FLRT1: variants seen among roughly 807,000 people sequenced by gnomAD.
FLRT1 encodes leucine-rich repeat transmembrane protein FLRT1.
A neutral mutation model predicts 30.9 loss-of-function variants in FLRT1; 14 were observed. That is an observed-to-expected ratio of 0.45 (90% CI 0.30 to 0.71). FLRT1 has a LOEUF of 0.71. Ranked by LOEUF, FLRT1 falls within the 30% of genes least tolerant of loss-of-function variation. FLRT1 has a pLI of 0.08. For synonymous variants in FLRT1, 368 were observed against 430.4 expected (o/e 0.85, Z 1.80); for missense variants, 737 against 949.2 (o/e 0.78, Z 2.94).
At chr11:64,051,489 T>A (rs1402994295) in intron 1 of FLRT1, among the ~76,000 whole-genome samples, 1 of 152,148 alleles carries the variant, frequency 6.6e-6, no homozygotes, top group Non-Finnish European at 1.5e-5. Context: ...GGGGGCACCC[T>A]CTCGGAAGCC....
intron 1 of FLRT1, among the ~76,000 whole-genome samples, chr11:64,069,659 C>T (rs1944069729): frequency 6.6e-6 from 1 of 152,088 alleles, no homozygotes; most frequent in Non-Finnish European, 1.5e-5. Context: ...GGGGAGGCAG[C>T]CCCTCCATGG....
chr11:64,096,778 T>C lies in FLRT1; in HGVS notation c.-1037-6416T>C, dbSNP rs542617302. ...GGGCAGGCTCTGGCCGCAGTGCCCC[T>C]CCCTGAGGGGAAGAGGGCAGGCCTG... On this transcript the variant is annotated intron_variant, in intron 1 of 2. Coordinates refer to ENST00000682287, the MANE Select transcript of FLRT1 (RefSeq NM_013280.5). The surrounding 1 kb of genome is among the most constrained non-coding windows in gnomAD (Gnocchi z 4.6). 6.6e-6 allele frequency among the ~76,000 whole-genome samples: 1 copy of C among 152,194 alleles called. No homozygotes were observed. The highest frequency in any genetic ancestry group is 6.5e-5 in the Admixed American group (1 of 15,302).
Position 64,118,499 on chromosome 11 carries a change from G to A in FLRT1, c.*207G>A, listed in dbSNP as rs1023239539. 4.2e-5 allele frequency: 21 copies of A among 503,032 alleles called. No individual in the cohort carries two copies. The highest frequency in any genetic ancestry group is 2.9e-4 in the African/African-American group (15 of 52,028). 31.2% of individuals were successfully genotyped at this position (503,032 alleles called of 1,614,324 possible). A position where few individuals can be genotyped will look rare whatever the true frequency, so the allele number is the denominator to read the frequency against. ...TTTTAAAAGAATAGAAGGCAGGAGG[G>A]GGAATTCGACATTGTTGAAGACATA... On this transcript the variant is annotated 3_prime_UTR_variant, in exon 3 of 3. Coordinates refer to ENST00000682287, the MANE Select transcript of FLRT1 (RefSeq NM_013280.5).
chr11:64,038,835 G>T (rs1943431456), intron 1 of FLRT1, among the ~76,000 whole-genome samples: 1 of 152,210 alleles, frequency 6.6e-6, no homozygotes, highest in Non-Finnish European at 1.5e-5. Context: ...TCGGTTCCTG[G>T]GGAGGGTTTC....
At chr11:64,060,854 G>T (rs1404612176) in intron 1 of FLRT1, among the ~76,000 whole-genome samples, 1 of 152,166 alleles carries the variant, frequency 6.6e-6, no homozygotes, top group African/African-American at 2.4e-5. Flanking sequence ...GGGTGTGAAC[G>T]GGGCCAAAGC....
At chr11:64,084,406 T>C (rs556695282) in intron 1 of FLRT1, among the ~76,000 whole-genome samples, 123 of 152,222 alleles carry the variant, frequency 8.1e-4, no homozygotes, top group African/African-American at 2.9e-3. Context: ...CTGAGCTGCC[T>C]ACCTTTCCCG....
chr11:64,116,331 G>C lies in FLRT1; in HGVS notation c.64G>C (p.Val22Leu). 6.2e-7 allele frequency: 1 copy of C among 1,610,868 alleles called. No homozygotes were observed. Among genetic ancestry groups the C allele is most frequent in the Non-Finnish European group, 8.5e-7 (1 of 1,179,102 alleles). Residue 22 changes from valine to leucine, a missense_variant, in exon 3 of 3, where the codon GTT (valine) becomes CTT (leucine). By Grantham distance (32) the Val-to-Leu change is conservative. Coordinates refer to ENST00000682287, the MANE Select transcript of FLRT1 (RefSeq NM_013280.5). ...GCCCACTGCCACTGTCACGGCCACC[G>C]TTGTGATGACCACGGCCACCATGGA... The part of the protein sequence containing the change: ...TTPTATVTAT[V>L]VMTTATMDLR...
At chr11:64,063,094 G>A (rs1943935040) in intron 1 of FLRT1, among the ~76,000 whole-genome samples, 2 of 152,176 alleles carry the variant, frequency 1.3e-5, no homozygotes, top group Admixed American at 6.5e-5. Context: ...CCATATGAGT[G>A]GAAACTTCAG....
chr11:64,070,361 T>C (rs1286694594), intron 1 of FLRT1, among the ~76,000 whole-genome samples: 3 of 152,130 alleles, frequency 2.0e-5, no homozygotes, highest in Non-Finnish European at 4.4e-5. Context: ...ATGATCCTCC[T>C]GGCCCTTCTG....
At chr11:64,098,206 C>G (rs1944611843) in intron 1 of FLRT1, among the ~76,000 whole-genome samples, 1 of 152,208 alleles carries the variant, frequency 6.6e-6, no homozygotes, top group Non-Finnish European at 1.5e-5. Flanking sequence ...TCACAGCCTC[C>G]CCCCTGCCCT....
intron 2 of FLRT1, among the ~76,000 whole-genome samples, chr11:64,105,121 T>C (rs1427908721): frequency 6.6e-6 from 1 of 152,238 alleles, no homozygotes; most frequent in African/African-American, 2.4e-5. Context: ...GCCACCGGTG[T>C]GAAAGATGCC....
chr11:64,066,034 G>A (rs1015188434), intron 1 of FLRT1, among the ~76,000 whole-genome samples: 6 of 151,908 alleles, frequency 3.9e-5, no homozygotes, highest in East Asian at 2.0e-4. Context: ...GGTGGCTCAC[G>A]CCTGTAATCC....
chr11:64,076,143 T>C (rs1944196228), intron 1 of FLRT1, among the ~76,000 whole-genome samples: 1 of 152,204 alleles, frequency 6.6e-6, no homozygotes, highest in African/African-American at 2.4e-5. Flanking sequence ...GCCCCTGCCC[T>C]GACCCCAGCG....
intron 1 of FLRT1, among the ~76,000 whole-genome samples, chr11:64,041,720 G>A (rs1272284847): frequency 1.3e-5 from 2 of 152,292 alleles, no homozygotes; most frequent in African/African-American, 2.4e-5. Flanking sequence ...TCTCTCAAGC[G>A]ACATAGCATC....
intron 1 of FLRT1, among the ~76,000 whole-genome samples, chr11:64,046,627 G>A (rs1006588315): frequency 1.3e-5 from 2 of 152,184 alleles, no homozygotes; most frequent in South Asian, 2.1e-4. Context: ...ACCCTCCCAA[G>A]TAGCTGGGGC....
intron 1 of FLRT1, among the ~76,000 whole-genome samples, chr11:64,066,294 C>CAAAAAAA (rs59963244): frequency 3.9e-5 from 2 of 50,936 alleles, no homozygotes; most frequent in African/African-American, 6.5e-5. Flanking sequence ...GAGACTGTCT[C>CAAAAAAA]AAAAAAAAAA....
At chr11:64,077,401 TCCCCAGCTGTG>T (rs1374752733) in intron 1 of FLRT1, among the ~76,000 whole-genome samples, 2 of 152,150 alleles carry the variant, frequency 1.3e-5, no homozygotes, top group African/African-American at 4.8e-5. Flanking sequence ...CCTCTGTCCC[TCCCCAGCTGTG>T]CCCCGTCCTC....
At chr11:64,077,072 C>A (rs551079529) in intron 1 of FLRT1, among the ~76,000 whole-genome samples, 1 of 152,208 alleles carries the variant, frequency 6.6e-6, no homozygotes, top group African/African-American at 2.4e-5. Flanking sequence ...GGTCCACAGA[C>A]CCCAGACCCC....
chr11:64,048,863 G>A (rs1162803575), intron 1 of FLRT1, among the ~76,000 whole-genome samples: 3 of 152,182 alleles, frequency 2.0e-5, no homozygotes. Flanking sequence ...GCCATCCCAT[G>A]GTGCAAACCC....
Sources: gnomAD v4.1 joint callset for allele counts (sites outside exome capture counted in the v4.1 genomes callset) on GRCh38, gnomAD v4.1.1 for gene constraint, Gnocchi (gnomAD v3.1) non-coding constraint, MANE v1.5 for transcripts, NCBI Gene and HGNC (gene_info 2026-07-23, HGNC 2026-07-21) for gene names.